RAB29: variants seen among roughly 807,000 people sequenced by gnomAD.
The protein encoded by RAB29 is RAB29, member RAS oncogene family.
Under a neutral mutation model 25.5 loss-of-function variants are expected in RAB29, and 13 were observed. That is an observed-to-expected ratio of 0.51 (90% CI 0.33 to 0.81). The LOEUF is 0.81. Among genes scored for constraint, RAB29 ranks in the 30% least tolerant of loss-of-function variants. RAB29 has a pLI of 0.02. For missense variants in RAB29, 201 were observed against 254.9 expected, an observed-to-expected ratio of 0.79 and a Z score of 1.44; for synonymous variants, 88 against 95.0, an observed-to-expected ratio of 0.93 and a Z score of 0.43.
Position 205,775,089 on chromosome 1 carries a change from G to A in RAB29, c.-130-3C>T. ...TTCCCACCCACCGCCTGTCTGGGCT[G>A]CTCTGACGAGAAAGCAAAAAAGGAA... On this transcript the variant is annotated splice_region_variant and splice_polypyrimidine_tract_variant and intron_variant, in intron 1 of 5. Transcript: ENST00000367139. The A allele has an allele frequency of 8.2e-7, 1 of 1,224,228 alleles. No homozygotes were observed. The highest frequency in any genetic ancestry group is 1.4e-5 in the South Asian group (1 of 69,154). 75.8% of individuals were successfully genotyped at this position (1,224,228 alleles called of 1,614,324 possible).
intron 4 of RAB29, chr1:205,771,112 C>T (rs1654973871): frequency 2.1e-6 from 1 of 475,042 alleles, no homozygotes; most frequent in South Asian, 2.1e-5. Context: ...TCCTGGCTAA[C>T]ACAATGAAAC....
chr1:205,774,795 T>TCCCA, intron 2 of RAB29, 38 bp downstream of exon 2: 1 of 860,522 alleles, frequency 1.2e-6, no homozygotes, highest in Non-Finnish European at 1.8e-6. Flanking sequence ...CGGGGCCTCC[T>TCCCA]CCTCCCCCTC....
At chr1:205,773,226 T>TA (rs1305591637) in intron 2 of RAB29, among the ~76,000 whole-genome samples, 1 of 152,156 alleles carries the variant, frequency 6.6e-6, no homozygotes, top group Non-Finnish European at 1.5e-5. Context: ...GCCTTTTGGC[T>TA]AAGGAGAGAA....
rs372472525 is a variant in RAB29 at position 205,772,477 on chromosome 1, T to C, written c.196+19A>G. 7.9e-5 allele frequency: 128 copies of C among 1,610,358 alleles called. No individual in the cohort carries two copies. The highest frequency in any genetic ancestry group is 1.0e-4 in the Non-Finnish European group (123 of 1,176,718). ...ATCAAAATTTCTTCCCTTGTTCCTA[T>C]CTAGCCCTCCCACTTTACCTGCAAT... On this transcript the variant is annotated intron_variant, in intron 3 of 5. Coordinates refer to ENST00000367139, the MANE Select transcript of RAB29 (RefSeq NM_003929.3).
chr1:205,771,864 G>A (rs565016340), intron 3 of RAB29, among the ~76,000 whole-genome samples: 62 of 152,028 alleles, frequency 4.1e-4, no homozygotes, highest in African/African-American at 1.4e-3. Flanking sequence ...TCCCTGCTCT[G>A]CTGCATACTA....
intron 4 of RAB29, 31 bp downstream of exon 4, chr1:205,771,441 T>A: frequency 6.2e-7 from 1 of 1,608,010 alleles, no homozygotes; most frequent in Non-Finnish European, 8.5e-7. Context: ...AGATAGAGGC[T>A]AGGGACCATT....
chr1:205,774,794 C>CGCCA, intron 2 of RAB29, 39 bp downstream of exon 2: 31 of 1,419,266 alleles, frequency 2.2e-5, no homozygotes, highest in Non-Finnish European at 2.7e-5. Flanking sequence ...TCGGGGCCTC[C>CGCCA]TCCTCCCCCT....
In RAB29 at chr1:205,772,524, T is replaced by C; in HGVS notation, c.168A>G (p.Ile56Met). The change falls in exon 3 of 6, where the codon ATA becomes ATG. Residue 56 changes from isoleucine (I) to methionine (M), a missense_variant. Ile to Met is a conservative substitution (Grantham distance 10). Coordinates refer to ENST00000367139, the MANE Select transcript of RAB29 (RefSeq NM_003929.3). ...CAATATCCCACAGCTGAAGCCGCAC[T>C]ATCTCGTAGTCAGACCACTGGAGAA... The part of the protein sequence containing the change: ...LKVLQWSDYE[I>M]VRLQLWDIAG... The C allele has an allele frequency of 6.2e-7, 1 of 1,614,050 alleles. No homozygotes were observed. Among genetic ancestry groups the C allele is most frequent in the Non-Finnish European group, 8.5e-7 (1 of 1,179,964 alleles).
At chr1:205,771,417 T>G in intron 4 of RAB29, 55 bp downstream of exon 4, 9 of 1,583,316 alleles carry the variant, frequency 5.7e-6, no homozygotes, top group Non-Finnish European at 7.8e-6. Context: ...GCATTTTACT[T>G]CCTTTCTAAC....
At position 205,770,714 on chromosome 1, in the gene RAB29, AT is replaced by A. The variant is rs757494734; in HGVS notation, c.500+18del. The A allele has an allele frequency of 3.1e-6, 5 of 1,613,846 alleles. No individual in the cohort carries two copies. The East Asian group carries it at 1.1e-4, about 36-fold the overall frequency. ...GGAAGATGGATACATCTGCATGCCT[AT>A]CAGCATGAGCTACTTACCTCATAGC... On this transcript the variant is annotated intron_variant, in intron 5 of 5. Transcript: ENST00000367139.
In RAB29 at chr1:205,770,766, A is replaced by C. The variant is rs1263698951; in HGVS notation, c.467T>G (p.Val156Gly). 1 of 1,614,026 alleles carries C rather than the reference A, an allele frequency of 6.2e-7. No homozygotes were observed. The highest frequency in any genetic ancestry group is 8.5e-7 in the Non-Finnish European group (1 of 1,180,036). Residue 156 changes from valine (V) to glycine (G), a missense_variant, in exon 5 of 6, where the codon GTC becomes GGC. Coordinates refer to ENST00000367139, the MANE Select transcript of RAB29 (RefSeq NM_003929.3). ...CTCATTAATATTTTTGTTCTCCTTG[A>C]CTGATGTTTCTGTCCAACCTGTGAA... The part of the protein sequence containing the change: ...NGFTGWTETS[V>G]KENKNINEAM...
At chr1:205,774,785 C>A in intron 2 of RAB29, 48 bp downstream of exon 2, 1 of 1,532,092 alleles carries the variant, frequency 6.5e-7, no homozygotes, top group South Asian at 1.2e-5. Context: ...AGTCCGCGGT[C>A]GGGGCCTCCT....
chr1:205,772,121 ACT>A (rs1302670339), intron 3 of RAB29, among the ~76,000 whole-genome samples: 1 of 152,162 alleles, frequency 6.6e-6, no homozygotes, highest in African/African-American at 2.4e-5. Flanking sequence ...AATTTAAAAT[ACT>A]TAGAAGAATG....
chr1:205,772,608 G>T, intron 2 of RAB29, 41 bp from the exon 3 acceptor site: 1 of 1,562,202 alleles, frequency 6.4e-7, no homozygotes, highest in Non-Finnish European at 8.8e-7. Context: ...AAATTTCACT[G>T]TAAAAAATTA....
At position 205,770,450 on chromosome 1, in the gene RAB29, G is replaced by T. The variant is rs777543684; in HGVS notation, c.504C>A (p.Val168=). 1 of 1,612,532 alleles carries T rather than the reference G, an allele frequency of 6.2e-7. No individual in the cohort carries two copies. Among genetic ancestry groups the T allele is most frequent in the South Asian group, 1.1e-5 (1 of 91,016 alleles). The change falls in exon 6 of 6, where the codon GTC becomes GTA. Residue 168 remains valine, a synonymous_variant. Transcript: ENST00000367139. ...AATTTCTCATCATCTTTTCAATGAG[G>T]ACTCTAAAAGACAAAAAATAAGCCT... ...ENKNINEAMR[V]LIEKMMRNST...
Position 205,769,285 on chromosome 1 carries a change from A to C in RAB29, c.*1057T>G, listed in dbSNP as rs1194745800. 6.6e-6 allele frequency: 1 copy of C among 152,212 alleles called. No individual in the cohort carries two copies. The highest frequency in any genetic ancestry group is 1.5e-5 in the Non-Finnish European group (1 of 68,036). The allele number at this position is 152,212 out of a possible 1,614,324, so 9.4% of individuals were successfully genotyped here. The stretch of plus-strand genomic sequence containing the variant: ...TATTTCGAAGCATCACAGCCAGCTG[A>C]TGTCACTTGCAGTATTATGCATTAA... On this transcript the variant is annotated 3_prime_UTR_variant, in exon 6 of 6. Transcript: ENST00000367139.
chr1:205,771,585 CA>C lies in RAB29; in HGVS notation c.264del (p.Phe88LeufsTer19). ...CTGAAGGTAGTGGCATTGGTAACGT[CA>C]AACATAATAACACAGGCAGAGGCAT... ...YRDASACVIM[F>X]DVTNATTFSN... On this transcript the variant is annotated frameshift_variant, in exon 4 of 6. Transcript: ENST00000367139. LOFTEE classifies it high-confidence loss of function. 2 of 1,614,046 alleles carry C rather than the reference CA, an allele frequency of 1.2e-6. No individual in the cohort carries two copies. The highest frequency in any genetic ancestry group is 1.7e-6 in the Non-Finnish European group (2 of 1,179,944).
In RAB29 at chr1:205,768,173, G is replaced by C. The variant is rs1424065490; in HGVS notation, c.*2169C>G. On this transcript the variant is annotated 3_prime_UTR_variant, in exon 6 of 6. Transcript: ENST00000367139. ...TTAATACAAGGTTTCAGAAGACTGT[G>C]CAAGTTAAAATAATTGGCATTAAAA... The C allele has an allele frequency of 6.6e-6, 1 of 152,206 alleles. No individual in the cohort carries two copies. Among genetic ancestry groups the C allele is most frequent in the Non-Finnish European group, 1.5e-5 (1 of 68,040 alleles). 9.4% of individuals were successfully genotyped at this position (152,206 alleles called of 1,614,324 possible). A position where few individuals can be genotyped will look rare whatever the true frequency, so the allele number is the denominator to read the frequency against.
In RAB29 at chr1:205,773,765, TA is replaced by T. The variant is rs560213381; in HGVS notation, c.124+1067del. On this transcript the variant is annotated intron_variant, in intron 2 of 5. Coordinates refer to ENST00000367139, the MANE Select transcript of RAB29 (RefSeq NM_003929.3). ...AAGCAATCCTCCCGCCTCAGCCTCC[TA>T]AAGTGCTGGGATTGCAAGTATGAAC... 4.5e-4 allele frequency among the ~76,000 whole-genome samples: 68 copies of T among 152,236 alleles called. 1 individual carries two copies. The South Asian group carries it at 7.1e-3, about 16-fold the overall frequency.
Sources: allele counts gnomAD v4.1 joint callset (sites outside exome capture counted in the v4.1 genomes callset), GRCh38; gene constraint gnomAD v4.1.1; transcripts MANE v1.5; gene names NCBI Gene and HGNC (gene_info 2026-07-23, HGNC 2026-07-21).